MMD2: variants seen among roughly 807,000 people sequenced by gnomAD.
MMD2 encodes the protein monocyte to macrophage differentiation associated 2, also known as monocyte to macrophage differentiation factor 2.
A neutral mutation model predicts 33.5 loss-of-function variants in MMD2; 30 were observed. That is an observed-to-expected ratio of 0.90 (90% CI 0.67 to 1.22). The LOEUF is 1.22. Ranked by LOEUF, MMD2 falls within the 50% of genes most tolerant of loss-of-function variation. The probability of loss-of-function intolerance (pLI) is 0.00; values close to 1 mark genes in which losing one functional copy is unlikely to be tolerated. For synonymous variants in MMD2, 129 were observed against 123.0 expected (o/e 1.05, Z -0.32); for missense variants, 364 against 325.4 (o/e 1.12, Z -0.91).
At chr7:4,893,246 AGG>A in the MMD2 span, among the ~76,000 whole-genome samples, 2 of 152,092 alleles carry the variant, frequency 1.3e-5, no homozygotes, top group Non-Finnish European at 2.9e-5. Flanking sequence ...GAAAGAATTC[AGG>A]GAGAGCCCAC....
chr7:4,905,698 T>C (rs960999703), downstream of MMD2, among the ~76,000 whole-genome samples: 12 of 152,066 alleles, frequency 7.9e-5, no homozygotes, highest in Non-Finnish European at 4.4e-5. This position sits in a 1 kb window ranked among gnomAD's most constrained non-coding sequence, Gnocchi z 5.0. Flanking sequence ...GGTCAAGTTT[T>C]CAGTGTCTCT....
chr7:4,913,721 C>CAAAAAAAAAAAAAAA (rs35733360), intron 4 of MMD2, among the ~76,000 whole-genome samples: 1 of 54,048 alleles, frequency 1.9e-5, no homozygotes, highest in Non-Finnish European at 3.2e-5. Flanking sequence ...TCTATCTCGG[C>CAAAAAAAAAAAAAAA]AAAAAAAAAA....
chr7:4,903,884 G>A (rs1032527547), downstream of MMD2, among the ~76,000 whole-genome samples: 21 of 152,162 alleles, frequency 1.4e-4, no homozygotes, highest in Admixed American at 7.9e-4. Context: ...ACGGCCCCAG[G>A]GATGGAAAGG....
At chr7:4,920,383 C>A in intron 2 of MMD2, 52 bp from the exon 3 acceptor site, 3 of 1,564,560 alleles carry the variant, frequency 1.9e-6, no homozygotes, top group East Asian at 2.3e-5. Context: ...TGGCTCAGAG[C>A]ACACCTCCTG....
chr7:4,931,911 G>T (rs965993142), intron 1 of MMD2, among the ~76,000 whole-genome samples: 1 of 152,238 alleles, frequency 6.6e-6, no homozygotes, highest in Admixed American at 6.5e-5. Context: ...CCTCCAGGAG[G>T]CCGGGCCAAT....
At chr7:4,948,476 T>C (rs1786152355) in intron 1 of MMD2, among the ~76,000 whole-genome samples, 1 of 150,684 alleles carries the variant, frequency 6.6e-6, no homozygotes, top group Non-Finnish European at 1.5e-5. Flanking sequence ...TGAGCCAAGA[T>C]CGCGCCACTG....
chr7:4,896,742 T>C, the MMD2 span, among the ~76,000 whole-genome samples: 9 of 152,372 alleles, frequency 5.9e-5, no homozygotes, highest in African/African-American at 2.2e-4. Flanking sequence ...ACAGGAGTTT[T>C]CATTTTCTTT....
chr7:4,932,448 T>G (rs1785616053), intron 1 of MMD2, among the ~76,000 whole-genome samples: 1 of 152,158 alleles, frequency 6.6e-6, no homozygotes. Context: ...CTTTTTTTGC[T>G]ATAGTTTTGT....
intron 1 of MMD2, among the ~76,000 whole-genome samples, chr7:4,952,014 G>A (rs180802133): frequency 6.6e-6 from 1 of 152,286 alleles, no homozygotes; most frequent in East Asian, 1.9e-4. Flanking sequence ...GGGACTACAG[G>A]CTTGAGCCAT....
intron 1 of MMD2, among the ~76,000 whole-genome samples, chr7:4,949,706 T>C (rs1158945614): frequency 6.6e-6 from 1 of 151,982 alleles, no homozygotes; most frequent in Non-Finnish European, 1.5e-5. Context: ...GAGACGGGGT[T>C]TCACCATATT....
intron 1 of MMD2, among the ~76,000 whole-genome samples, chr7:4,956,853 T>G (rs112266214): frequency 6.6e-6 from 1 of 152,042 alleles, no homozygotes; most frequent in Admixed American, 6.6e-5. Flanking sequence ...CTCTTTCCCG[T>G]GAACAGTCCA....
chr7:4,911,175 C>A lies in MMD2; in HGVS notation c.437G>T (p.Gly146Val). 6.3e-7 allele frequency: 1 copy of A among 1,595,092 alleles called. No individual in the cohort carries two copies. Among genetic ancestry groups the A allele is most frequent in the Non-Finnish European group, 8.5e-7 (1 of 1,171,726 alleles). ...ATGGAAGAAGAAGACATAGATGGTG[C>A]CCACGGAAGCCATAATCCAGACCAG... Reference protein sequence around the residue: ...RWLVWIMASVGTIYVFFFHER... With the variant: ...RWLVWIMASVVTIYVFFFHER... Residue 146 changes from glycine to valine, a missense_variant, in exon 5 of 7, where the codon GGC (glycine) becomes GTC (valine). Coordinates refer to ENST00000401401, the MANE Select transcript of MMD2 (RefSeq NM_198403.4).
chr7:4,919,125 A>G (rs1169271090), intron 3 of MMD2, among the ~76,000 whole-genome samples: 2 of 151,834 alleles, frequency 1.3e-5, no homozygotes, highest in Non-Finnish European at 1.5e-5. Flanking sequence ...CAAAACTGTA[A>G]TATCAGGGAT....
At chr7:4,908,221 G>A (rs868561170) in intron 6 of MMD2, among the ~76,000 whole-genome samples, 103 of 148,430 alleles carry the variant, frequency 6.9e-4, no homozygotes, top group African/African-American at 2.2e-3. Context: ...AGTTCACTGC[G>A]ACCTCCACCT....
At chr7:4,916,572 G>A (rs145583008) in intron 3 of MMD2, among the ~76,000 whole-genome samples, 1,826 of 151,676 alleles carry the variant, frequency 0.012, 32 homozygotes, top group African/African-American at 0.042. Flanking sequence ...TAGTAGAGAC[G>A]GGGTTTCGCC....
At chr7:4,941,850 T>C (rs990316267) in intron 1 of MMD2, among the ~76,000 whole-genome samples, 1 of 151,558 alleles carries the variant, frequency 6.6e-6, no homozygotes, top group African/African-American at 2.4e-5. Context: ...ACCACAAATG[T>C]ATCTTTAAAG....
intron 2 of MMD2, 69 bp from the exon 3 acceptor site, chr7:4,920,400 C>T (rs77260354): frequency 1.2e-5 from 19 of 1,524,700 alleles, no homozygotes; most frequent in Admixed American, 1.2e-4. Context: ...CCTGCCCCTT[C>T]CCCGGCTGAG....
At chr7:4,953,455 A>G (rs566205541) in intron 1 of MMD2, among the ~76,000 whole-genome samples, 2 of 140,616 alleles carry the variant, frequency 1.4e-5, no homozygotes, top group African/African-American at 2.6e-5. Context: ...GAGTGGTTTC[A>G]TTTTCGTGTG....
chr7:4,924,076 C>T (rs1217859803), intron 2 of MMD2, among the ~76,000 whole-genome samples: 1 of 152,156 alleles, frequency 6.6e-6, no homozygotes. Context: ...CCTGTAGTCC[C>T]AGCTACTCGG....
Sources: gnomAD v4.1 joint callset for allele counts (sites outside exome capture counted in the v4.1 genomes callset) on GRCh38, gnomAD v4.1.1 for gene constraint, Gnocchi (gnomAD v3.1) non-coding constraint, MANE v1.5 for transcripts, NCBI Gene and HGNC (gene_info 2026-07-23, HGNC 2026-07-21) for gene names.